The following TTC29 variants were observed in gnomAD, a reference collection of about 807,000 sequenced individuals.
TTC29 encodes the protein tetratricopeptide repeat domain 29.
A neutral mutation model predicts 58.1 loss-of-function variants in TTC29; 49 were observed. The ratio of observed to expected loss-of-function variants is 0.84; its 90% CI spans 0.67 to 1.07. The LOEUF is 1.07. TTC29 is among the 50% of genes least tolerant of loss of function. The pLI is 0.00. For synonymous variants in TTC29, 209 were observed against 196.8 expected, an observed-to-expected ratio of 1.06 and a Z score of -0.52; for missense variants, 582 against 555.6, an observed-to-expected ratio of 1.05 and a Z score of -0.48.
chr4:146,731,345 G>A (rs994668939), intron 11 of TTC29, among the ~76,000 whole-genome samples: 2 of 151,960 alleles, frequency 1.3e-5, no homozygotes, highest in Admixed American at 6.6e-5. Flanking sequence ...GAGAGAGAAC[G>A]AACCAGGGAA....
Position 146,773,700 on chromosome 4 carries a change from C to CT in TTC29, c.1330+29756dup, listed in dbSNP as rs1199751407. Among the ~76,000 whole-genome samples, 3 of 150,722 alleles carry CT rather than the reference C, an allele frequency of 2.0e-5. 1 individual carries two copies. In the East Asian group the frequency reaches 5.8e-4, roughly 29 times the overall value. On this transcript the variant is annotated intron_variant, in intron 11 of 12. Transcript: ENST00000325106. Reference sequence around the variant, plus strand: ...CAAGGATATTGGCCTGAAGTTTTCTCTTTTTTTGTGTATATCTGCCAGGTT... The same window carrying CT: ...CAAGGATATTGGCCTGAAGTTTTCTCTTTTTTTTGTGTATATCTGCCAGGTT...
At chr4:146,806,723 C>T (rs1470842689) in intron 10 of TTC29, among the ~76,000 whole-genome samples, 2 of 151,982 alleles carry the variant, frequency 1.3e-5, no homozygotes, top group African/African-American at 4.8e-5. Flanking sequence ...TACAGGAGCA[C>T]CCAGATGAAT....
chr4:146,799,380 A>AT lies in TTC29; in HGVS notation c.1330+4076dup, dbSNP rs536536466. Among the ~76,000 whole-genome samples the AT allele has an allele frequency of 1.6e-3, 244 of 151,830 alleles. 1 individual carries two copies. The highest frequency in any genetic ancestry group is 5.7e-3 in the African/African-American group (238 of 41,404). On this transcript the variant is annotated intron_variant, in intron 11 of 12. Transcript: ENST00000325106. ...TCACTAGTGAGTGTGATTTTTTTTC[A>AT]TTTTTTTTAAAGGGTTGAGTTCATG...
chr4:146,754,474 A>G (rs998018293), intron 11 of TTC29, among the ~76,000 whole-genome samples: 29 of 152,218 alleles, frequency 1.9e-4, no homozygotes, highest in African/African-American at 7.0e-4. Flanking sequence ...ACAAGAAAAG[A>G]AAGCTACAGG....
chr4:146,757,772 G>T (rs1050288132), intron 11 of TTC29, among the ~76,000 whole-genome samples: 3 of 152,072 alleles, frequency 2.0e-5, no homozygotes, highest in Non-Finnish European at 4.4e-5. Flanking sequence ...AATGCTGAGA[G>T]AATTCATCAT....
intron 4 of TTC29, among the ~76,000 whole-genome samples, chr4:146,930,027 A>T (rs948442644): frequency 1.3e-4 from 17 of 126,624 alleles, no homozygotes; most frequent in South Asian, 6.8e-4. Flanking sequence ...GCACACATAC[A>T]ATATATATAT....
intron 8 of TTC29, among the ~76,000 whole-genome samples, chr4:146,857,819 T>G (rs922479172): frequency 1.3e-5 from 2 of 152,192 alleles, no homozygotes; most frequent in Admixed American, 6.5e-5. Context: ...AAAAAATAAA[T>G]GTCATATTTT....
At chr4:146,824,301 T>G (rs1042640239) in intron 9 of TTC29, among the ~76,000 whole-genome samples, 1 of 152,226 alleles carries the variant, frequency 6.6e-6, no homozygotes, top group East Asian at 1.9e-4. Context: ...ATTGAGAGTT[T>G]TTAACATGAA....
intron 4 of TTC29, among the ~76,000 whole-genome samples, chr4:146,917,585 ATAT>A (rs899054997): frequency 4.5e-5 from 6 of 133,718 alleles, no homozygotes; most frequent in Admixed American, 1.6e-4. Context: ...ATGCAATTAG[ATAT>A]TATATACATT....
At chr4:146,758,749 A>G (rs1341114912) in intron 11 of TTC29, among the ~76,000 whole-genome samples, 1 of 152,162 alleles carries the variant, frequency 6.6e-6, no homozygotes, top group African/African-American at 2.4e-5. Context: ...GCATTGGGTC[A>G]AAAATGAAAT....
intron 6 of TTC29, among the ~76,000 whole-genome samples, chr4:146,895,300 G>A (rs926640344): frequency 1.3e-5 from 2 of 152,178 alleles, no homozygotes; most frequent in African/African-American, 4.8e-5. Context: ...ACTGAACCAG[G>A]GAGCTCACTT....
In TTC29 at chr4:146,909,222, G is replaced by C; in HGVS notation, c.204C>G (p.Ile68Met). The part of the protein sequence containing the change: ...AAYRNSYKKN[I>M]CVDMLRDGYH... ...AACCATCTCGCAGCATGTCCACACA[G>C]ATATTCTTCTTGTAGGAGTTCCTAT... Residue 68 changes from isoleucine (I) to methionine (M), a missense_variant, in exon 5 of 13, where the codon ATC (isoleucine) becomes ATG (methionine). By Grantham distance (10) the Ile-to-Met change is conservative. Transcript: ENST00000325106. The C allele has an allele frequency of 6.2e-7, 1 of 1,613,094 alleles. No homozygotes were observed. Among genetic ancestry groups the C allele is most frequent in the Non-Finnish European group, 8.5e-7 (1 of 1,179,534 alleles).
chr4:146,735,356 C>A (rs1471496780), intron 11 of TTC29, among the ~76,000 whole-genome samples: 2 of 152,022 alleles, frequency 1.3e-5, no homozygotes, highest in African/African-American at 4.8e-5. Flanking sequence ...TTTGAGGAAC[C>A]TTTACTAAAA....
intron 4 of TTC29, among the ~76,000 whole-genome samples, chr4:146,911,885 C>T (rs1430392600): frequency 6.6e-6 from 1 of 152,144 alleles, no homozygotes; most frequent in Non-Finnish European, 1.5e-5. Flanking sequence ...AAAACAAATA[C>T]CCTGCCTGCT....
chr4:146,723,123 C>T (rs1264573641), intron 11 of TTC29, among the ~76,000 whole-genome samples: 2 of 152,006 alleles, frequency 1.3e-5, no homozygotes, highest in Non-Finnish European at 2.9e-5. Flanking sequence ...TGGCACGTGC[C>T]TATAATCCCA....
chr4:146,912,457 A>G (rs1733959567), intron 4 of TTC29, among the ~76,000 whole-genome samples: 1 of 151,946 alleles, frequency 6.6e-6, no homozygotes, highest in Non-Finnish European at 1.5e-5. Flanking sequence ...TAGTAACTCT[A>G]CTCCCCTGAA....
At chr4:146,751,771 TTAACATTATA>T (rs1746016788) in intron 11 of TTC29, among the ~76,000 whole-genome samples, 1 of 151,756 alleles carries the variant, frequency 6.6e-6, no homozygotes, top group Non-Finnish European at 1.5e-5. Flanking sequence ...CATAAATAGT[TTAACATTATA>T]CCTCCAGGAA....
At chr4:146,807,674 C>A (rs1036701318) in intron 10 of TTC29, among the ~76,000 whole-genome samples, 1 of 152,096 alleles carries the variant, frequency 6.6e-6, no homozygotes, top group Admixed American at 6.6e-5. Context: ...ATATACCCTC[C>A]CAAGACTATA....
intron 11 of TTC29, among the ~76,000 whole-genome samples, chr4:146,780,304 T>G (rs367684302): frequency 0.019 from 763 of 40,844 alleles, 4 homozygotes; most frequent in African/African-American, 0.086. Context: ...TAACTTGGGG[T>G]GTGTGTGTGT....
Sources: gnomAD v4.1 joint callset for allele counts (sites outside exome capture counted in the v4.1 genomes callset) on GRCh38, gnomAD v4.1.1 for gene constraint, MANE v1.5 for transcripts, NCBI Gene and HGNC (gene_info 2026-07-23, HGNC 2026-07-21) for gene names.